Variants in ANKFN1 observed in about 807,000 individuals in gnomAD.
ANKFN1 encodes ankyrin repeat and fibronectin type-III domain-containing protein 1.
Under a neutral mutation model 108.7 loss-of-function variants are expected in ANKFN1, and 74 were observed. The ratio of observed to expected loss-of-function variants is 0.68; its 90% confidence interval spans 0.56 to 0.83. The LOEUF is 0.83. Ranked by LOEUF, ANKFN1 falls within the 40% of genes least tolerant of loss-of-function variation. The pLI is 0.00. For synonymous variants in ANKFN1, 547 were observed against 516.2 expected (o/e 1.06, Z -0.81); for missense variants, 1,505 against 1,382.3 (o/e 1.09, Z -1.41).
intron 8 of ANKFN1, among the ~76,000 whole-genome samples, chr17:56,428,815 A>G (rs573454558): frequency 6.6e-6 from 1 of 152,062 alleles, no homozygotes; most frequent in Admixed American, 6.5e-5. Context: ...ATGAGGTGAA[A>G]AAGATGCTGC....
In ANKFN1 at chr17:56,457,293, C is replaced by T. The variant is rs767853709; in HGVS notation, c.1344C>T (p.Asp448=). 6.3e-7 allele frequency: 1 copy of T among 1,599,176 alleles called. No homozygotes were observed. Among genetic ancestry groups the T allele is most frequent in the South Asian group, 1.1e-5 (1 of 89,128 alleles). ...LYIAVIFYYK[D]NILVTNEDQV... ...TAGCCGTTATATTTTATTACAAAGA[C>T]AATATCTTAGTCACCAATGAAGATC... is the stretch of plus-strand genomic sequence containing the variant. The change falls in exon 13 of 21, where the codon GAC becomes GAT. Residue 448 remains aspartate, a synonymous_variant. Coordinates refer to ENST00000682825, the MANE Select transcript of ANKFN1 (RefSeq NM_001370326.1).
At chr17:56,098,927 G>A (rs542767447) in intron 4 of ANKFN1, among the ~76,000 whole-genome samples, 14 of 152,118 alleles carry the variant, frequency 9.2e-5, no homozygotes, top group African/African-American at 2.7e-4. Flanking sequence ...ATGTCTTTGC[G>A]GTTACATCTG....
chr17:56,362,719 A>T (rs558061238), intron 6 of ANKFN1, among the ~76,000 whole-genome samples: 1 of 152,322 alleles, frequency 6.6e-6, no homozygotes, highest in African/African-American at 2.4e-5. Context: ...AAGCCCAAAA[A>T]CACAGATAGC....
chr17:56,140,068 C>A (rs553809714), intron 4 of ANKFN1, among the ~76,000 whole-genome samples: 1 of 152,164 alleles, frequency 6.6e-6, no homozygotes, highest in Non-Finnish European at 1.5e-5. Flanking sequence ...GCTTGATGGA[C>A]GTGTATATTT....
chr17:56,150,278 T>A (rs1235713697), upstream of ANKFN1, among the ~76,000 whole-genome samples: 1 of 152,212 alleles, frequency 6.6e-6, no homozygotes, highest in Non-Finnish European at 1.5e-5. Flanking sequence ...AGTTGGGAAA[T>A]TTCACACATT....
intron 1 of ANKFN1, among the ~76,000 whole-genome samples, chr17:56,179,571 C>T (rs186158862): frequency 3.3e-5 from 5 of 152,286 alleles, no homozygotes; most frequent in South Asian, 4.2e-4. Context: ...GCCCCTAGCT[C>T]GGGCTGGGAA....
At position 56,240,220 on chromosome 17, in the gene ANKFN1, A is replaced by T. The variant is rs188612603; in HGVS notation, c.53+12263A>T. 6.8e-4 allele frequency among the ~76,000 whole-genome samples: 103 copies of T among 152,128 alleles called. 1 individual carries two copies. Among genetic ancestry groups the T allele is most frequent in the Admixed American group, 2.2e-3 (33 of 15,256 alleles). On this transcript the variant is annotated intron_variant, in intron 3 of 20. Coordinates refer to ENST00000682825, the MANE Select transcript of ANKFN1 (RefSeq NM_001370326.1). ...AAAAAAATCACAATCCTGTATGCTT[A>T]TCCTTGTTTTTCTCTATCAGTGAGC...
chr17:56,288,298 C>T (rs1310846118), intron 3 of ANKFN1, among the ~76,000 whole-genome samples: 1 of 152,072 alleles, frequency 6.6e-6, no homozygotes, highest in East Asian at 1.9e-4. Flanking sequence ...GTTAAATATA[C>T]ATTATCTATT....
chr17:56,315,554 A>C (rs2144473120), intron 3 of ANKFN1, among the ~76,000 whole-genome samples: 1 of 152,336 alleles, frequency 6.6e-6, no homozygotes, highest in East Asian at 1.9e-4. Flanking sequence ...TAGTGAAGGA[A>C]GTGAATAAGC....
chr17:56,220,812 A>G (rs187751362), intron 2 of ANKFN1, among the ~76,000 whole-genome samples: 13,686 of 54,324 alleles, frequency 0.25, 1,153 homozygotes, highest in East Asian at 0.45. Context: ...GGGAGGGAGG[A>G]AGGAAGGAAG....
chr17:56,346,180 T>G (rs113470202), intron 4 of ANKFN1, among the ~76,000 whole-genome samples: 8,688 of 152,166 alleles, frequency 0.057, 566 homozygotes, highest in African/African-American at 0.16. Context: ...GTCAGGTTTG[T>G]TGAAGATCAG....
chr17:56,274,864 G>A (rs1052016030), intron 3 of ANKFN1, among the ~76,000 whole-genome samples: 6 of 152,210 alleles, frequency 3.9e-5, no homozygotes, highest in African/African-American at 1.4e-4. Flanking sequence ...AAGGCCATTA[G>A]ATTTGGAGGC....
intron 8 of ANKFN1, among the ~76,000 whole-genome samples, chr17:56,423,844 A>G (rs2215759): frequency 0.79 from 119,955 of 152,150 alleles, 47,542 homozygotes; most frequent in East Asian, 0.96. Context: ...ATGCTGGGCT[A>G]TGATAATTCT....
At chr17:56,156,070 C>T (rs1336684122) in intron 1 of ANKFN1, among the ~76,000 whole-genome samples, 5 of 150,478 alleles carry the variant, frequency 3.3e-5, no homozygotes, top group African/African-American at 1.2e-4. Flanking sequence ...TCATCTCTCT[C>T]TCACTCTTTT....
At chr17:56,166,534 T>C (rs1910142675) in intron 1 of ANKFN1, among the ~76,000 whole-genome samples, 1 of 152,184 alleles carries the variant, frequency 6.6e-6, no homozygotes, top group Non-Finnish European at 1.5e-5. Flanking sequence ...ACAGTCTCTT[T>C]CCATCTTAAC....
At chr17:56,446,855 A>G (rs2049311629) in intron 10 of ANKFN1, among the ~76,000 whole-genome samples, 1 of 152,118 alleles carries the variant, frequency 6.6e-6, no homozygotes, top group Non-Finnish European at 1.5e-5. Context: ...CAGTGAGCTA[A>G]GATCGCACCA....
At position 56,482,436 on chromosome 17, in the gene ANKFN1, A is replaced by G; in HGVS notation, c.2172A>G (p.Ser724=). The G allele has an allele frequency of 6.2e-7, 1 of 1,613,622 alleles. No individual in the cohort carries two copies. The highest frequency in any genetic ancestry group is 8.5e-7 in the Non-Finnish European group (1 of 1,179,744). The change falls in exon 18 of 21, where the codon TCA becomes TCG. Residue 724 remains serine (S), a synonymous_variant. Coordinates refer to ENST00000682825, the MANE Select transcript of ANKFN1 (RefSeq NM_001370326.1). Reference sequence around the variant, plus strand: ...CCTTTCTTCTCCTGCTCCCTGCCTCAGACGACGTCTGTACAGCCCCAGGAC... The same window carrying G: ...CCTTTCTTCTCCTGCTCCCTGCCTCGGACGACGTCTGTACAGCCCCAGGAC... ...NVSFLLLLPA[S]DDVCTAPGQN...
chr17:56,454,638 C>T (rs1372404477), intron 11 of ANKFN1, among the ~76,000 whole-genome samples: 1 of 152,170 alleles, frequency 6.6e-6, no homozygotes, highest in African/African-American at 2.4e-5. Flanking sequence ...GAGATATCCC[C>T]AATGTCAGAA....
intron 8 of ANKFN1, among the ~76,000 whole-genome samples, chr17:56,397,278 C>T (rs755569175): frequency 3.3e-5 from 5 of 152,062 alleles, no homozygotes; most frequent in Non-Finnish European, 1.5e-5. Flanking sequence ...ACACATTCAC[C>T]GCATCTAAAT....
Sources: allele counts gnomAD v4.1 joint callset (sites outside exome capture counted in the v4.1 genomes callset), GRCh38; gene constraint gnomAD v4.1.1; transcripts MANE v1.5; gene names NCBI Gene and HGNC (gene_info 2026-07-23, HGNC 2026-07-21).